The following GPATCH1 variants were observed in gnomAD, a reference collection of about 807,000 sequenced individuals.
GPATCH1 encodes G-patch domain containing 1.
GPATCH1 carries 73 observed loss-of-function variants against 114.9 expected under a neutral mutation model. That is an observed-to-expected ratio of 0.64 (90% confidence interval 0.53 to 0.77). The LOEUF is 0.77. GPATCH1 is among the 30% of genes least tolerant of loss of function. GPATCH1 has a pLI of 0.00. For synonymous variants in GPATCH1, 391 were observed against 428.4 expected (o/e 0.91, Z 1.08); for missense variants, 1,058 against 1,144.3 (o/e 0.92, Z 1.09).
rs1324088736 is a variant in GPATCH1, at chr19:33,095,684, G to A, written c.554-78G>A. ...CCCAGAGTGCTGGGATTACAGGTGT[G>A]ATCCACCGCGCCCGGCCTGGTCGGG... On this transcript the variant is annotated intron_variant, in intron 5 of 19. Transcript: ENST00000170564. 3 of 938,460 alleles carry A rather than the reference G, an allele frequency of 3.2e-6. No individual in the cohort carries two copies. In the African/African-American group the frequency reaches 4.9e-5, roughly 15 times the overall value. 58.1% of individuals were successfully genotyped at this position (938,460 alleles called of 1,614,324 possible).
chr19:33,110,613 T>G (rs1463832324), intron 11 of GPATCH1, among the ~76,000 whole-genome samples: 1 of 151,656 alleles, frequency 6.6e-6, no homozygotes, highest in Non-Finnish European at 1.5e-5. Flanking sequence ...GTGCCTTAAC[T>G]CTCTACTAAG....
chr19:33,129,949 G>A (rs200919025), intron 19 of GPATCH1, among the ~76,000 whole-genome samples, 181 bp from the exon 20 acceptor site: 31 of 139,836 alleles, frequency 2.2e-4, no homozygotes, highest in African/African-American at 4.2e-4. Context: ...CATCTCGGGG[G>A]AAAAAAAAAA....
intron 13 of GPATCH1, 28 bp downstream of exon 13, chr19:33,112,641 A>G: frequency 6.3e-7 from 1 of 1,586,094 alleles, no homozygotes; most frequent in Non-Finnish European, 8.6e-7. Context: ...TTACATCAGT[A>G]CAAAATGTAT....
In GPATCH1 at chr19:33,106,715, G is replaced by A. The variant is rs893207160; in HGVS notation, c.1101G>A (p.Leu367=). 1.9e-6 allele frequency: 3 copies of A among 1,613,684 alleles called. No individual in the cohort carries two copies. ...SSKKIYPPPE[L]PRDYRPVHYF... ...TTAAGATCTATCCACCTCCAGAGCT[G>A]CCAAGAGACTATCGACCAGTGCATT... Residue 367 remains leucine (L), a synonymous_variant, in exon 10 of 20, where the codon CTG becomes CTA. Transcript: ENST00000170564.
chr19:33,111,253 G>A (rs1435003185), intron 11 of GPATCH1, among the ~76,000 whole-genome samples: 1 of 151,672 alleles, frequency 6.6e-6, no homozygotes, highest in Non-Finnish European at 1.5e-5. Flanking sequence ...GCATGGTGGC[G>A]GACGCCTGTA....
chr19:33,130,308 C>A lies in GPATCH1; in HGVS notation c.*148C>A. On this transcript the variant is annotated 3_prime_UTR_variant, in exon 20 of 20. Transcript: ENST00000170564. ...TAAAACCTTGACATTTCAAAGACTG[C>A]CTTGAAAGGTCGCAGAAATTGATTT... The A allele has an allele frequency of 2.0e-6, 1 of 499,158 alleles. No homozygotes were observed. Among genetic ancestry groups the A allele is most frequent in the Non-Finnish European group, 3.5e-6 (1 of 282,012 alleles). 30.9% of individuals were successfully genotyped at this position (499,158 alleles called of 1,614,324 possible).
At chr19:33,081,924 T>C (rs1972482777) in intron 1 of GPATCH1, among the ~76,000 whole-genome samples, 1 of 118,430 alleles carries the variant, frequency 8.4e-6, no homozygotes, top group Non-Finnish European at 1.8e-5. Context: ...CCCAGGCTGG[T>C]CTTGAACTCC....
intron 19 of GPATCH1, among the ~76,000 whole-genome samples, chr19:33,127,335 A>G (rs1973053055): frequency 6.6e-6 from 1 of 151,558 alleles, no homozygotes; most frequent in East Asian, 2.0e-4. Context: ...TGGCTAACAC[A>G]GAGAAACCCC....
chr19:33,090,483 A>T (rs1197569289), intron 2 of GPATCH1, among the ~76,000 whole-genome samples: 2 of 152,198 alleles, frequency 1.3e-5, no homozygotes, highest in African/African-American at 4.8e-5. Flanking sequence ...TGCATCTGTC[A>T]GCTCAGATCT....
intron 1 of GPATCH1, among the ~76,000 whole-genome samples, chr19:33,082,197 G>A (rs1367556901): frequency 6.6e-6 from 1 of 152,172 alleles, no homozygotes; most frequent in African/African-American, 2.4e-5. Context: ...CTTGCTGGTG[G>A]AATGTGGGGG....
At chr19:33,122,080 G>A (rs1483151949) in intron 17 of GPATCH1, among the ~76,000 whole-genome samples, 2 of 152,046 alleles carry the variant, frequency 1.3e-5, no homozygotes, top group Non-Finnish European at 2.9e-5. Flanking sequence ...GTGCAGTGGC[G>A]CGATCTCGGC....
chr19:33,098,883 C>T (rs892675498), intron 8 of GPATCH1, among the ~76,000 whole-genome samples: 2 of 151,876 alleles, frequency 1.3e-5, no homozygotes, highest in Non-Finnish European at 2.9e-5. Context: ...GGTCAGTGGG[C>T]TGCTAGTACT....
chr19:33,110,033 G>A lies in GPATCH1; in HGVS notation c.1585+17G>A, dbSNP rs755285486. Reference sequence around the variant, plus strand: ...GTCAGAAAGGTGGGTGCTGGGCCTGGGTGTCCCAAATCTCGGCCCGGGCGG... The same window carrying A: ...GTCAGAAAGGTGGGTGCTGGGCCTGAGTGTCCCAAATCTCGGCCCGGGCGG... On this transcript the variant is annotated intron_variant, in intron 11 of 19. Transcript: ENST00000170564. 9 of 1,581,612 alleles carry A rather than the reference G, an allele frequency of 5.7e-6. No homozygotes were observed.
intron 5 of GPATCH1, among the ~76,000 whole-genome samples, chr19:33,094,648 T>C (rs1308699372): frequency 6.6e-6 from 1 of 152,204 alleles, no homozygotes; most frequent in Non-Finnish European, 1.5e-5. Context: ...TGCTAGTTTA[T>C]GCTTCTGCCA....
At position 33,096,370 on chromosome 19, in the gene GPATCH1, G is replaced by A. The variant is rs1019006689; in HGVS notation, c.776G>A (p.Ser259Asn). 6.2e-7 allele frequency: 1 copy of A among 1,613,956 alleles called. No homozygotes were observed. The highest frequency in any genetic ancestry group is 1.3e-5 in the African/African-American group (1 of 74,912). Residue 259 changes from serine to asparagine, a missense_variant, in exon 7 of 20, where the codon AGT (serine) becomes AAT (asparagine). Transcript: ENST00000170564. The stretch of plus-strand genomic sequence containing the variant: ...TCGGGAGAACATTTTAATCTTTTCA[G>A]TGGTGGTTCTGAGAGAGCTGGCGAT... ...GTSGEHFNLF[S>N]GGSERAGDLG...
chr19:33,089,395 A>G (rs1972569925), intron 2 of GPATCH1, among the ~76,000 whole-genome samples: 1 of 152,192 alleles, frequency 6.6e-6, no homozygotes, highest in African/African-American at 2.4e-5. Flanking sequence ...TAAATCTTTT[A>G]TGTTATGTAC....
chr19:33,103,470 G>T (rs1288596444), intron 9 of GPATCH1, among the ~76,000 whole-genome samples: 1 of 152,160 alleles, frequency 6.6e-6, no homozygotes, highest in African/African-American at 2.4e-5. Flanking sequence ...GGAGGCTGAG[G>T]CGGATGGATC....
chr19:33,097,789 A>T lies in GPATCH1; in HGVS notation c.887A>T (p.Asp296Val). 1 of 1,613,938 alleles carries T rather than the reference A, an allele frequency of 6.2e-7. No individual in the cohort carries two copies. The highest frequency in any genetic ancestry group is 8.5e-7 in the Non-Finnish European group (1 of 1,179,844). ...FGVGALEEEDDDIYATETLSK... is the reference protein window; with the variant it reads ...FGVGALEEEDVDIYATETLSK... ...GTAGGTGCCCTGGAAGAGGAAGATG[A>T]TGATATCTATGCCACAGAAACTCTA... is the stretch of plus-strand genomic sequence containing the variant. Residue 296 changes from aspartate (D) to valine (V), a missense_variant, in exon 8 of 20, where the codon GAT (aspartate) becomes GTT (valine). Transcript: ENST00000170564.
chr19:33,127,227 T>C (rs1466752710), intron 19 of GPATCH1, among the ~76,000 whole-genome samples: 1 of 151,488 alleles, frequency 6.6e-6, no homozygotes, highest in Non-Finnish European at 1.5e-5. Context: ...ATTATCATTA[T>C]GAAAATTCAG....
Sources: gnomAD v4.1 joint callset for allele counts (sites outside exome capture counted in the v4.1 genomes callset) on GRCh38, gnomAD v4.1.1 for gene constraint, MANE v1.5 for transcripts, NCBI Gene and HGNC (gene_info 2026-07-23, HGNC 2026-07-21) for gene names.